KIF14: variants seen among roughly 807,000 people sequenced by gnomAD.
KIF14 encodes the protein kinesin family member 14.
Under a neutral mutation model 176.2 loss-of-function variants are expected in KIF14, and 98 were observed. The ratio of observed to expected loss-of-function variants is 0.56; its 90% CI spans 0.47 to 0.66. KIF14 has a LOEUF of 0.66. Ranked by LOEUF, KIF14 falls within the 30% of genes least tolerant of loss-of-function variation. KIF14 has a pLI of 0.00. For missense variants in KIF14, 1,751 were observed against 1,920.4 expected (o/e 0.91, Z 1.65); for synonymous variants, 566 against 632.2 (o/e 0.90, Z 1.57).
At chr1:200,554,731 G>C (rs1244177093) in intron 28 of KIF14, 125 bp from the exon 29 acceptor site, 1 of 551,928 alleles carries the variant, frequency 1.8e-6, no homozygotes, top group Non-Finnish European at 3.1e-6. Context: ...TTCCTCACCA[G>C]TGCTTAACTC....
intron 1 of KIF14, 98 bp from the exon 2 acceptor site, chr1:200,618,936 T>A (rs1389344233): frequency 8.5e-6 from 4 of 468,034 alleles, no homozygotes; most frequent in Non-Finnish European, 1.5e-5. Flanking sequence ...CCCAGAGGCA[T>A]ACATTACAAT....
Position 200,590,183 on chromosome 1 carries a change from T to G in KIF14, c.2903A>C (p.Glu968Ala). Reference sequence around the variant, plus strand: ...ATATGCAGCTTTTTGAGAAGAAAGCTCTTGCTGAGCCATTTCTTTTGCAAT... The same window carrying G: ...ATATGCAGCTTTTTGAGAAGAAAGCGCTTGCTGAGCCATTTCTTTTGCAAT... ...IQIAKEMAQQ[E>A]LSSQKAAYES... Residue 968 changes from glutamate (E) to alanine (A), a missense_variant, in exon 17 of 30, where the codon GAG becomes GCG. Coordinates refer to ENST00000367350, the MANE Select transcript of KIF14 (RefSeq NM_014875.3). The G allele has an allele frequency of 6.2e-7, 1 of 1,613,828 alleles. No homozygotes were observed. Among genetic ancestry groups the G allele is most frequent in the Non-Finnish European group, 8.5e-7 (1 of 1,179,972 alleles).
intron 10 of KIF14, among the ~76,000 whole-genome samples, chr1:200,602,810 C>A (rs897411463): frequency 3.9e-5 from 6 of 152,130 alleles, no homozygotes; most frequent in African/African-American, 1.4e-4. Flanking sequence ...AGTAAGCAAA[C>A]AAAATTATTC....
chr1:200,577,765 C>T (rs557647901), intron 21 of KIF14, among the ~76,000 whole-genome samples: 5 of 125,530 alleles, frequency 4.0e-5, no homozygotes, highest in Admixed American at 8.3e-5. Context: ...GCTATCTTTT[C>T]AGTTATTGTG....
Position 200,553,698 on chromosome 1 carries a change from T to TA in KIF14, c.4636dup (p.Tyr1546LeufsTer3), listed in dbSNP as rs1030502345. 6.2e-7 allele frequency: 1 copy of TA among 1,612,920 alleles called. No homozygotes were observed. Among genetic ancestry groups the TA allele is most frequent in the Non-Finnish European group, 8.5e-7 (1 of 1,179,184 alleles). ...AGTAGAAGGCACACTGAAGTCACTG[T>TA]AAAAATCACTGGCCAAGTTGCGAAT... is the stretch of plus-strand genomic sequence containing the variant. On this transcript the variant is annotated frameshift_variant, in exon 30 of 30. Coordinates refer to ENST00000367350, the MANE Select transcript of KIF14 (RefSeq NM_014875.3). LOFTEE classifies it low-confidence loss of function (END_TRUNC).
intron 26 of KIF14, among the ~76,000 whole-genome samples, 175 bp from the exon 27 acceptor site, chr1:200,559,627 C>A (rs982860646): frequency 2.0e-5 from 3 of 152,124 alleles, no homozygotes; most frequent in Non-Finnish European, 4.4e-5. Context: ...AGAATAAGAA[C>A]TAACAGTCTG....
chr1:200,606,697 T>A (rs772504838), intron 6 of KIF14, 49 bp downstream of exon 6: 2 of 1,459,290 alleles, frequency 1.4e-6, no homozygotes, highest in Non-Finnish European at 1.9e-6. Context: ...TAACATTCAC[T>A]CTATTCATTT....
At chr1:200,608,658 C>T (rs577710013) in intron 5 of KIF14, among the ~76,000 whole-genome samples, 172 bp downstream of exon 5, 55 of 152,242 alleles carry the variant, frequency 3.6e-4, no homozygotes, top group South Asian at 2.1e-4. Context: ...CCACCATGCC[C>T]GGCCAGTGCT....
At chr1:200,619,334 G>A (rs1002853968) in intron 1 of KIF14, among the ~76,000 whole-genome samples, 2 of 151,396 alleles carry the variant, frequency 1.3e-5, no homozygotes, top group Non-Finnish European at 2.9e-5. Flanking sequence ...TCCATAAGAA[G>A]GTTTATTTTA....
At chr1:200,576,245 G>A (rs1173879718) in intron 21 of KIF14, among the ~76,000 whole-genome samples, 1 of 151,926 alleles carries the variant, frequency 6.6e-6, no homozygotes, top group Non-Finnish European at 1.5e-5. Context: ...TTGGGAGGCC[G>A]AGGCGGGCGG....
intron 22 of KIF14, among the ~76,000 whole-genome samples, chr1:200,571,381 TTTTC>T (rs1422260870): frequency 2.0e-5 from 3 of 151,824 alleles, no homozygotes; most frequent in South Asian, 2.1e-4. Flanking sequence ...TAAGCTGTTA[TTTTC>T]TTTCTTTCTG....
intron 25 of KIF14, 34 bp from the exon 26 acceptor site, chr1:200,560,914 C>G: frequency 6.3e-7 from 1 of 1,585,738 alleles, no homozygotes. Context: ...GTATCAGATA[C>G]ATGAGATTAT....
chr1:200,583,646 G>T (rs1472410292), intron 19 of KIF14, among the ~76,000 whole-genome samples: 1 of 152,042 alleles, frequency 6.6e-6, no homozygotes, highest in Non-Finnish European at 1.5e-5. Flanking sequence ...GCAATCAAAA[G>T]TCTCCCAGGA....
chr1:200,596,716 C>G (rs1374721068), intron 14 of KIF14, among the ~76,000 whole-genome samples: 1 of 151,564 alleles, frequency 6.6e-6, no homozygotes, highest in African/African-American at 2.4e-5. Context: ...AGGTGCCCAC[C>G]ACCATGCCGG....
At chr1:200,559,688 A>G (rs1156682524) in intron 26 of KIF14, among the ~76,000 whole-genome samples, 1 of 152,190 alleles carries the variant, frequency 6.6e-6, no homozygotes, top group Non-Finnish European at 1.5e-5. Flanking sequence ...TATCCCATAT[A>G]TAACATATTG....
rs751902148 is a variant in KIF14 at position 200,601,999 on chromosome 1, G to A, written c.2049C>T (p.Ser683=). 7 of 1,613,732 alleles carry A rather than the reference G, an allele frequency of 4.3e-6. No homozygotes were observed. Among genetic ancestry groups the A allele is most frequent in the Non-Finnish European group, 5.1e-6 (6 of 1,179,852 alleles). ...AMIATISPAA[S]NIEETLSTLR... The stretch of plus-strand genomic sequence containing the variant: ...GTGTGCTTAATGTTTCTTCTATGTT[G>A]CTGGCAGCGGGACTAATCGTAGCAA... Residue 683 remains serine (S), a synonymous_variant, in exon 11 of 30, where the codon AGC becomes AGT. Transcript: ENST00000367350.
In KIF14 at chr1:200,585,776, A is replaced by G. The variant is rs1658705038; in HGVS notation, c.3241+325T>C. ...TTTCTTTCACAGGGGCACTAATTCTATCTATGAGGGCTCTACCCTCATGAC... is the reference window on the plus strand; with the variant it reads ...TTTCTTTCACAGGGGCACTAATTCTGTCTATGAGGGCTCTACCCTCATGAC... On this transcript the variant is annotated intron_variant, in intron 19 of 29. Coordinates refer to ENST00000367350, the MANE Select transcript of KIF14 (RefSeq NM_014875.3). Among the ~76,000 whole-genome samples, 9 of 152,128 alleles carry G rather than the reference A, an allele frequency of 5.9e-5. 1 individual carries two copies. The South Asian group carries it at 1.9e-3, about 32-fold the overall frequency.
chr1:200,605,547 T>TCAGATCAGC (rs1435452764), intron 7 of KIF14, among the ~76,000 whole-genome samples, 157 bp from the exon 8 acceptor site: 1 of 152,204 alleles, frequency 6.6e-6, no homozygotes, highest in Non-Finnish European at 1.5e-5. Context: ...CATTTGTAAT[T>TCAGATCAGC]AATTTATAAA....
chr1:200,589,386 T>A lies in KIF14; in HGVS notation c.2962-17A>T. 1 of 1,577,356 alleles carries A rather than the reference T, an allele frequency of 6.3e-7. No homozygotes were observed. The highest frequency in any genetic ancestry group is 1.2e-5 in the South Asian group (1 of 85,660). Reference sequence around the variant, plus strand: ...CTCTTCTCTCTTTAAAGAACAATAATAAAAAATATCTCAGGCAAAAACCGT... The same window carrying A: ...CTCTTCTCTCTTTAAAGAACAATAAAAAAAAATATCTCAGGCAAAAACCGT... On this transcript the variant is annotated splice_polypyrimidine_tract_variant and intron_variant, in intron 17 of 29. Transcript: ENST00000367350.
Sources: allele counts gnomAD v4.1 joint callset (sites outside exome capture counted in the v4.1 genomes callset), GRCh38; gene constraint gnomAD v4.1.1; transcripts MANE v1.5; gene names NCBI Gene and HGNC (gene_info 2026-07-23, HGNC 2026-07-21).